IFT122: variants seen among roughly 807,000 people sequenced by gnomAD.
The protein encoded by IFT122 is intraflagellar transport 122.
A neutral mutation model predicts 161.6 loss-of-function variants in IFT122; 118 were observed. The observed-to-expected ratio is 0.73, with a 90% CI of 0.63 to 0.85. The LOEUF (loss-of-function observed/expected upper bound fraction) is 0.85, where lower values mean the gene tolerates loss of function less well. Among genes scored for constraint, IFT122 ranks in the 40% least tolerant of loss-of-function variants. IFT122 has a pLI of 0.00. For missense variants in IFT122, 1,381 were observed against 1,579.6 expected, an observed-to-expected ratio of 0.87 and a Z score of 2.13; for synonymous variants, 550 against 602.4, an observed-to-expected ratio of 0.91 and a Z score of 1.27.
chr3:129,496,624 GT>G (rs1474355336), intron 18 of IFT122, among the ~76,000 whole-genome samples: 4 of 152,178 alleles, frequency 2.6e-5, no homozygotes, highest in Non-Finnish European at 5.9e-5. Context: ...CTGAAGGTGT[GT>G]TTGGTGGCCT....
chr3:129,442,707 ACT>A (rs1272385230), intron 1 of IFT122, among the ~76,000 whole-genome samples: 1 of 152,108 alleles, frequency 6.6e-6, no homozygotes, highest in Non-Finnish European at 1.5e-5. Context: ...AGCAGCAGGA[ACT>A]CTGTTTTTTT....
intron 23 of IFT122, among the ~76,000 whole-genome samples, chr3:129,509,689 T>G (rs2082582342): frequency 6.6e-6 from 1 of 152,228 alleles, no homozygotes; most frequent in African/African-American, 2.4e-5. Context: ...AAGAATGTAT[T>G]CTACTATCAA....
intron 9 of IFT122, 27 bp from the exon 10 acceptor site, chr3:129,476,288 C>T: frequency 6.2e-7 from 1 of 1,613,574 alleles, no homozygotes; most frequent in South Asian, 1.1e-5. Flanking sequence ...AATGGTTTTT[C>T]CCTTGCTGTG....
chr3:129,497,360 T>G (rs1267721387), intron 18 of IFT122, among the ~76,000 whole-genome samples: 3 of 152,232 alleles, frequency 2.0e-5, no homozygotes, highest in Non-Finnish European at 4.4e-5. Flanking sequence ...GGCTCTTCGG[T>G]TTGCCAAACC....
chr3:129,505,582 C>T (rs114972179), intron 21 of IFT122, among the ~76,000 whole-genome samples: 6 of 152,292 alleles, frequency 3.9e-5, no homozygotes, highest in Non-Finnish European at 7.4e-5. Flanking sequence ...TAGATGAGAA[C>T]GGAACAAAGG....
chr3:129,519,103 C>G lies in IFT122; in HGVS notation c.3392-4C>G, dbSNP rs1288920633. On this transcript the variant is annotated splice_region_variant and splice_polypyrimidine_tract_variant and intron_variant, in intron 27 of 29. Coordinates refer to ENST00000348417, the MANE Select transcript of IFT122 (RefSeq NM_052989.3). ...TGATTCCATCCTTGACCAGATCCCT[C>G]CAGGCTCCCAGATTCTGCGGCTAGT... The G allele has an allele frequency of 3.1e-6, 5 of 1,613,684 alleles. No individual in the cohort carries two copies. The highest frequency in any genetic ancestry group is 1.6e-4 in the Middle Eastern group (1 of 6,062).
chr3:129,515,375 C>T, intron 25 of IFT122, 113 bp from the exon 26 acceptor site: 1 of 860,930 alleles, frequency 1.2e-6, no homozygotes, highest in South Asian at 1.4e-5. Context: ...TGCCTGCCCA[C>T]CCGGGTGGCC....
intron 13 of IFT122, 161 bp from the exon 14 acceptor site, chr3:129,481,369 A>AC: frequency 1.5e-6 from 1 of 672,882 alleles, no homozygotes. Context: ...ATTGCCCCCC[A>AC]CCCCCCTCTT....
chr3:129,460,923 AAC>A lies in IFT122; in HGVS notation c.273-303_273-302del. 5.0e-6 allele frequency: 8 copies of A among 1,614,060 alleles called. No homozygotes were observed. Among genetic ancestry groups the A allele is most frequent in the Non-Finnish European group, 5.9e-6 (7 of 1,179,898 alleles). ...TGGGCCTCCACAAAACAGTAAGAGT[AAC>A]AGCCACAGATAAAGCACCTAAAGGC... On this transcript the variant is annotated intron_variant, in intron 4 of 29. Transcript: ENST00000348417.
chr3:129,489,024 G>A (rs1368343199), intron 16 of IFT122, among the ~76,000 whole-genome samples: 1 of 152,166 alleles, frequency 6.6e-6, no homozygotes, highest in Non-Finnish European at 1.5e-5. Flanking sequence ...GCCCAGGTAT[G>A]TTCCTGAGCT....
Position 129,495,436 on chromosome 3 carries a change from A to T in IFT122, c.2047-10A>T. 1 of 1,613,868 alleles carries T rather than the reference A, an allele frequency of 6.2e-7. No homozygotes were observed. ...GCAGAGGCCATTTCCTTTGCTTCTA[A>T]TTTTTCCAGGAGAGGAAGAAGCGGG... is the stretch of plus-strand genomic sequence containing the variant. On this transcript the variant is annotated splice_polypyrimidine_tract_variant and intron_variant, in intron 17 of 29. Transcript: ENST00000348417.
intron 16 of IFT122, among the ~76,000 whole-genome samples, chr3:129,489,280 G>A (rs548207177): frequency 1.5e-3 from 234 of 152,306 alleles, no homozygotes; most frequent in Non-Finnish European, 2.5e-3. Flanking sequence ...AGAACGAGCT[G>A]TGTCACATAA....
intron 7 of IFT122, among the ~76,000 whole-genome samples, chr3:129,465,459 T>C (rs1168719794): frequency 6.7e-6 from 1 of 149,592 alleles, no homozygotes; most frequent in African/African-American, 2.5e-5. Flanking sequence ...AAACTAATTA[T>C]ATGCTCTTTT....
At chr3:129,493,606 C>G (rs1408386608) in intron 17 of IFT122, among the ~76,000 whole-genome samples, 2 of 152,236 alleles carry the variant, frequency 1.3e-5, no homozygotes, top group South Asian at 2.1e-4. Flanking sequence ...AGCTCATGCT[C>G]TCTCGGCCAC....
intron 15 of IFT122, among the ~76,000 whole-genome samples, chr3:129,484,936 A>G (rs1316953873): frequency 6.6e-6 from 1 of 152,132 alleles, no homozygotes. Context: ...ATCTCCCACC[A>G]CAGTCATGGC....
In IFT122 at chr3:129,502,734, T is replaced by A; in HGVS notation, c.2399T>A (p.Leu800Gln). The change falls in exon 20 of 30, where the codon CTG becomes CAG. Residue 800 changes from leucine to glutamine, a missense_variant. This residue lies in a region of IFT122 where 496 missense variants were observed against 502.5 expected (regional missense o/e 0.99). Transcript: ENST00000348417. ...AGGTTGATCGACATCGCCCGCAAACTGGACAAGGCTGAGCGCGAGCCCCTG... is the reference window on the plus strand; with the variant it reads ...AGGTTGATCGACATCGCCCGCAAACAGGACAAGGCTGAGCGCGAGCCCCTG... ...VDMLIDIARK[L>Q]DKAEREPLLL... 1 of 1,609,666 alleles carries A rather than the reference T, an allele frequency of 6.2e-7. No homozygotes were observed. The highest frequency in any genetic ancestry group is 8.5e-7 in the Non-Finnish European group (1 of 1,179,988).
At chr3:129,444,247 G>C (rs1001996306) in intron 1 of IFT122, among the ~76,000 whole-genome samples, 1 of 152,184 alleles carries the variant, frequency 6.6e-6, no homozygotes, top group African/African-American at 2.4e-5. Context: ...AATGTGCCAA[G>C]GCTCAGAGGA....
chr3:129,467,987 CAG>C (rs773378008), intron 8 of IFT122, among the ~76,000 whole-genome samples: 6 of 152,328 alleles, frequency 3.9e-5, no homozygotes, highest in African/African-American at 7.2e-5. Flanking sequence ...ATCCATCTCA[CAG>C]GGACTGAGCC....
intron 26 of IFT122, among the ~76,000 whole-genome samples, 167 bp downstream of exon 26, chr3:129,515,766 C>G (rs2083417344): frequency 6.6e-6 from 1 of 152,198 alleles, no homozygotes; most frequent in Non-Finnish European, 1.5e-5. Context: ...CAAGGAGTCA[C>G]TGTCGGTGTT....
Sources: gnomAD v4.1 joint callset for allele counts (sites outside exome capture counted in the v4.1 genomes callset) on GRCh38, gnomAD v4.1.1 for gene constraint, gnomAD v4.1.1 regional missense constraint, MANE v1.5 for transcripts, NCBI Gene and HGNC (gene_info 2026-07-23, HGNC 2026-07-21) for gene names.